MAGI2: variants seen among roughly 807,000 people sequenced by gnomAD.
The protein encoded by MAGI2 is membrane-associated guanylate kinase, WW and PDZ domain-containing protein 2.
A neutral mutation model predicts 133.3 loss-of-function variants in MAGI2; 35 were observed. The ratio of observed to expected loss-of-function variants is 0.26; its 90% confidence interval spans 0.20 to 0.35. MAGI2 has a LOEUF of 0.35. Among genes scored for constraint, MAGI2 ranks in the 10% least tolerant of loss-of-function variants. The probability of loss-of-function intolerance (pLI) is 1.00; values close to 1 mark genes in which losing one functional copy is unlikely to be tolerated. For missense variants in MAGI2, 1,636 were observed against 1,863.4 expected (o/e 0.88, Z 2.25); for synonymous variants, 729 against 710.6 (o/e 1.03, Z -0.41).
intron 9 of MAGI2, among the ~76,000 whole-genome samples, chr7:78,267,549 G>C (rs1483329477): frequency 1.3e-5 from 2 of 152,054 alleles, no homozygotes; most frequent in South Asian, 2.1e-4. Context: ...TATACACCAA[G>C]GATTGCCAAT....
At chr7:78,070,174 C>CATATATATATATAT (rs57714371) in intron 21 of MAGI2, among the ~76,000 whole-genome samples, 10 of 56,634 alleles carry the variant, frequency 1.8e-4, no homozygotes, top group African/African-American at 2.8e-4. Flanking sequence ...CACACACACA[C>CATATATATATATAT]ATATATATAT....
chr7:78,911,908 C>G (rs1196609057), intron 2 of MAGI2, among the ~76,000 whole-genome samples: 1 of 151,926 alleles, frequency 6.6e-6, no homozygotes, highest in Non-Finnish European at 1.5e-5. Context: ...AAATGTAGTA[C>G]ATATACACCA....
At chr7:78,652,402 C>G (rs1811677723) in intron 2 of MAGI2, among the ~76,000 whole-genome samples, 1 of 152,118 alleles carries the variant, frequency 6.6e-6, no homozygotes, top group African/African-American at 2.4e-5. Context: ...GTAATGAAAA[C>G]AGCATGGTAC....
At chr7:78,843,844 A>G (rs1792351407) in intron 2 of MAGI2, among the ~76,000 whole-genome samples, 1 of 151,360 alleles carries the variant, frequency 6.6e-6, no homozygotes, top group Non-Finnish European at 1.5e-5. Flanking sequence ...ATACATAATC[A>G]TCTAATGTTC....
chr7:78,435,189 G>A (rs1051975674), intron 6 of MAGI2, among the ~76,000 whole-genome samples: 2 of 152,152 alleles, frequency 1.3e-5, no homozygotes, highest in Non-Finnish European at 2.9e-5. Context: ...ATTAAAAAGA[G>A]AGAATGTGTT....
At chr7:78,744,274 T>C (rs1278011842) in intron 2 of MAGI2, among the ~76,000 whole-genome samples, 1 of 152,200 alleles carries the variant, frequency 6.6e-6, no homozygotes, top group Admixed American at 6.5e-5. Context: ...TTTATCTTAT[T>C]TGAATAGCAA....
At chr7:78,700,562 G>A (rs1817964808) in intron 2 of MAGI2, among the ~76,000 whole-genome samples, 1 of 152,030 alleles carries the variant, frequency 6.6e-6, no homozygotes. Flanking sequence ...GTTTAAACCT[G>A]AAACATAATT....
At chr7:78,285,449 G>C (rs1415689052) in intron 9 of MAGI2, among the ~76,000 whole-genome samples, 2 of 152,094 alleles carry the variant, frequency 1.3e-5, no homozygotes, top group African/African-American at 4.8e-5. Flanking sequence ...AATAAAAATA[G>C]ATGATGCTTA....
At chr7:78,784,052 T>C (rs181401731) in intron 2 of MAGI2, among the ~76,000 whole-genome samples, 110 of 152,296 alleles carry the variant, frequency 7.2e-4, no homozygotes, top group African/African-American at 2.6e-3. Flanking sequence ...GTTGACATAG[T>C]GTATCAGGGA....
chr7:78,932,776 C>A (rs1033528586), intron 2 of MAGI2, among the ~76,000 whole-genome samples: 7 of 152,080 alleles, frequency 4.6e-5, no homozygotes, highest in Non-Finnish European at 1.0e-4. Context: ...TGGAGAAATT[C>A]ATTGACAAGT....
chr7:79,388,304 T>C (rs1844342757), intron 1 of MAGI2, among the ~76,000 whole-genome samples: 1 of 151,998 alleles, frequency 6.6e-6, no homozygotes, highest in South Asian at 2.1e-4. Context: ...TAAGCTTACT[T>C]ACTTTTAGTT....
At chr7:79,003,838 G>A (rs970880115) in intron 2 of MAGI2, among the ~76,000 whole-genome samples, 1 of 152,082 alleles carries the variant, frequency 6.6e-6, no homozygotes, top group Non-Finnish European at 1.5e-5. Context: ...TGGCCAAAAG[G>A]TATATGAAAA....
intron 2 of MAGI2, among the ~76,000 whole-genome samples, chr7:78,956,599 C>A (rs1316415186): frequency 6.6e-6 from 1 of 152,004 alleles, no homozygotes; most frequent in Non-Finnish European, 1.5e-5. Context: ...TCTGTTTTTC[C>A]CTTGTAGTGT....
chr7:78,896,027 T>G (rs998312738), intron 2 of MAGI2, among the ~76,000 whole-genome samples: 1 of 152,182 alleles, frequency 6.6e-6, no homozygotes, highest in African/African-American at 2.4e-5. Context: ...AGAATGATTC[T>G]TTTTTCAAAT....
intron 9 of MAGI2, among the ~76,000 whole-genome samples, chr7:78,267,344 T>A (rs1562714981): frequency 6.6e-6 from 1 of 152,178 alleles, no homozygotes; most frequent in Non-Finnish European, 1.5e-5. Context: ...TGTGACTGTA[T>A]ATTGCATGCA....
intron 1 of MAGI2, among the ~76,000 whole-genome samples, chr7:79,128,566 G>T (rs1393341604): frequency 6.6e-6 from 1 of 152,014 alleles, no homozygotes; most frequent in Non-Finnish European, 1.5e-5. Context: ...TGCTACAGGG[G>T]AACTCCCTGA....
intron 6 of MAGI2, among the ~76,000 whole-genome samples, chr7:78,402,379 T>G (rs78031324): frequency 0.31 from 46,181 of 149,144 alleles, 7,449 homozygotes; most frequent in Middle Eastern, 0.42. Context: ...CCACCTGGGG[T>G]GTGTGTGTGT....
chr7:79,232,637 A>G (rs200503694), intron 1 of MAGI2, among the ~76,000 whole-genome samples: 44,458 of 83,000 alleles, frequency 0.54, 12,788 homozygotes, highest in Non-Finnish European at 0.65. Flanking sequence ...ATCGGTGGTG[A>G]TATCCCCTTT....
chr7:78,046,422 CA>C (rs1245249407), intron 21 of MAGI2, among the ~76,000 whole-genome samples: 1 of 145,830 alleles, frequency 6.9e-6, no homozygotes, highest in Non-Finnish European at 1.5e-5. Context: ...AAAAAAAAAA[CA>C]AAGGAATGTG....
Sources: gnomAD v4.1 joint callset for allele counts (sites outside exome capture counted in the v4.1 genomes callset) on GRCh38, gnomAD v4.1.1 for gene constraint, MANE v1.5 for transcripts, NCBI Gene and HGNC (gene_info 2026-07-23, HGNC 2026-07-21) for gene names.